DENND5B: variants seen among roughly 807,000 people sequenced by gnomAD.
DENND5B encodes DENN domain containing 5B, also known as DENN domain-containing protein 5B.
In DENND5B, 34 loss-of-function variants were observed where a neutral mutation model predicts 140.6. That is an observed-to-expected ratio of 0.24 (90% CI 0.18 to 0.32). The LOEUF is 0.32. DENND5B is among the 10% of genes least tolerant of loss of function. The pLI is 1.00. For missense variants in DENND5B, 1,142 were observed against 1,560.2 expected (o/e 0.73, Z 4.52); for synonymous variants, 551 against 562.1 (o/e 0.98, Z 0.28).
At chr12:31,537,899 A>G (rs1948556885) in intron 1 of DENND5B, among the ~76,000 whole-genome samples, 1 of 152,246 alleles carries the variant, frequency 6.6e-6, no homozygotes, top group African/African-American at 2.4e-5. Context: ...GAAGGTCACT[A>G]TATAATGATA....
chr12:31,402,753 AG>A, intron 14 of DENND5B, 110 bp from the exon 15 acceptor site: 1 of 1,334,144 alleles, frequency 7.5e-7, no homozygotes, highest in African/African-American at 1.5e-5. Context: ...GCTTTTTATG[AG>A]CTATCAAGAT....
rs756838179 is a variant in DENND5B, at chr12:31,452,275, T to C, written c.1294A>G (p.Lys432Glu). ...TTAGTACAGACATTGCCGTTCTTTT[T>C]GTCATTGACCAAGTCTTTCAGAACC... is the stretch of plus-strand genomic sequence containing the variant. ...NMVLKDLVND[K>E]KNGNVCTNNI... Residue 432 changes from lysine (K) to glutamate (E), a missense_variant, in exon 5 of 21, where the codon AAA becomes GAA. Around this residue, in one of 5 missense-constraint regions of DENND5B, gnomAD observed 708 missense variants for 905.5 expected, o/e 0.78. Transcript: ENST00000389082. 1.2e-6 allele frequency: 2 copies of C among 1,613,896 alleles called. No homozygotes were observed.
chr12:31,396,838 C>G (rs1405522139), intron 17 of DENND5B, among the ~76,000 whole-genome samples: 1 of 151,988 alleles, frequency 6.6e-6, no homozygotes, highest in African/African-American at 2.4e-5. Context: ...GCCAGGTTGG[C>G]CTCAAACTCC....
At chr12:31,588,786 C>T (rs1000389123) in intron 1 of DENND5B, among the ~76,000 whole-genome samples, 2 of 152,198 alleles carry the variant, frequency 1.3e-5, no homozygotes, top group African/African-American at 4.8e-5. Flanking sequence ...GGATTTCTGA[C>T]TGCTTTCTTC....
intron 1 of DENND5B, among the ~76,000 whole-genome samples, chr12:31,580,890 G>A (rs1950190178): frequency 6.6e-6 from 1 of 152,086 alleles, no homozygotes; most frequent in Non-Finnish European, 1.5e-5. Flanking sequence ...CGGATCCCTT[G>A]AGCCCAGGAG....
chr12:31,466,050 C>T (rs755450398), intron 3 of DENND5B, among the ~76,000 whole-genome samples: 1 of 152,154 alleles, frequency 6.6e-6, no homozygotes, highest in Non-Finnish European at 1.5e-5. Context: ...CAGAATGCAG[C>T]ACAGAGACAC....
intron 1 of DENND5B, among the ~76,000 whole-genome samples, chr12:31,498,145 CT>C (rs751714752): frequency 3.3e-5 from 5 of 152,114 alleles, no homozygotes; most frequent in Non-Finnish European, 5.9e-5. Context: ...AAACCCTCTC[CT>C]TCACCTACCC....
intron 1 of DENND5B, among the ~76,000 whole-genome samples, chr12:31,538,558 A>C (rs1025702053): frequency 2.0e-5 from 3 of 152,114 alleles, no homozygotes; most frequent in Non-Finnish European, 4.4e-5. Flanking sequence ...CCAAACCCCA[A>C]ATTAGTAGAA....
chr12:31,415,169 C>T (rs1942664648), intron 12 of DENND5B, among the ~76,000 whole-genome samples, 198 bp downstream of exon 12: 1 of 152,080 alleles, frequency 6.6e-6, no homozygotes, highest in African/African-American at 2.4e-5. Flanking sequence ...TTCTCAGCTG[C>T]ATCTTCCATT....
chr12:31,493,155 C>A (rs961498264), intron 2 of DENND5B, among the ~76,000 whole-genome samples: 1 of 152,042 alleles, frequency 6.6e-6, no homozygotes, highest in Non-Finnish European at 1.5e-5. Flanking sequence ...GGGAAGGCAG[C>A]AAGGCAGTTG....
rs754529686 is a variant in DENND5B, at chr12:31,387,680, G to A, written c.3748C>T (p.Leu1250Phe). The A allele has an allele frequency of 1.9e-6, 3 of 1,614,058 alleles. No individual in the cohort carries two copies. Among genetic ancestry groups the A allele is most frequent in the Non-Finnish European group, 2.5e-6 (3 of 1,179,900 alleles). The change falls in exon 21 of 21, where the codon CTT (leucine) becomes TTT (phenylalanine). Residue 1250 changes from leucine to phenylalanine, a missense_variant. Physicochemically the swap from Leu to Phe is conservative, Grantham distance 22. Around this residue, in one of 5 missense-constraint regions of DENND5B, gnomAD observed 125 missense variants for 179.0 expected, o/e 0.70. Transcript: ENST00000389082. ...TGAATGGTCTGCAGAATTCGGATAAGGGAGTTGACAGTCATGCGGTCTCGC... is the reference window on the plus strand; with the variant it reads ...TGAATGGTCTGCAGAATTCGGATAAAGGAGTTGACAGTCATGCGGTCTCGC... ...LLRDRMTVNS[L>F]IRILQTIQDF...
At chr12:31,515,569 G>C (rs1947603158) in intron 1 of DENND5B, among the ~76,000 whole-genome samples, 1 of 152,088 alleles carries the variant, frequency 6.6e-6, no homozygotes, top group African/African-American at 2.4e-5. Context: ...TTCTGTGAGA[G>C]ACTACAGTAT....
At chr12:31,589,822 C>G (rs914136878) in intron 1 of DENND5B, 3 of 152,318 alleles carry the variant, frequency 2.0e-5, no homozygotes, top group Admixed American at 6.5e-5. Context: ...TCAGTTGTTT[C>G]TCCCCGGCCT....
intron 1 of DENND5B, among the ~76,000 whole-genome samples, chr12:31,529,445 C>A (rs558916974): frequency 6.6e-6 from 1 of 152,244 alleles, no homozygotes; most frequent in African/African-American, 2.4e-5. Context: ...GGTCCAGGAT[C>A]CCTGAGATAG....
intron 1 of DENND5B, among the ~76,000 whole-genome samples, chr12:31,577,836 C>T: frequency 6.6e-6 from 1 of 150,384 alleles, no homozygotes. Context: ...TGAAAAAATT[C>T]TACAGGGTCC....
chr12:31,505,277 C>CA (rs1947156092), intron 1 of DENND5B, among the ~76,000 whole-genome samples: 1 of 144,034 alleles, frequency 6.9e-6, no homozygotes, highest in African/African-American at 2.6e-5. Flanking sequence ...CTTACTCTGT[C>CA]ACCCAGGCTA....
intron 1 of DENND5B, among the ~76,000 whole-genome samples, chr12:31,560,806 T>C (rs1949448297): frequency 6.6e-6 from 1 of 152,218 alleles, no homozygotes; most frequent in Non-Finnish European, 1.5e-5. Flanking sequence ...ATGTTTACTT[T>C]GGGATACTTT....
At chr12:31,553,728 T>G (rs1327659435) in intron 1 of DENND5B, among the ~76,000 whole-genome samples, 1 of 152,016 alleles carries the variant, frequency 6.6e-6, no homozygotes, top group Non-Finnish European at 1.5e-5. Flanking sequence ...AAGGACTTGC[T>G]TTATGAATCT....
chr12:31,510,035 T>C (rs1947350415), intron 1 of DENND5B, among the ~76,000 whole-genome samples: 1 of 152,196 alleles, frequency 6.6e-6, no homozygotes, highest in South Asian at 2.1e-4. Flanking sequence ...CCACGCCAAA[T>C]GACGTGCAGT....
Sources: allele counts gnomAD v4.1 joint callset (sites outside exome capture counted in the v4.1 genomes callset), GRCh38; gene constraint gnomAD v4.1.1; regional missense constraint gnomAD v4.1.1; transcripts MANE v1.5; gene names NCBI Gene and HGNC (gene_info 2026-07-23, HGNC 2026-07-21).